XKR9: variants seen among roughly 807,000 people sequenced by gnomAD.
The protein encoded by XKR9 is XK related 9, also known as XK-related protein 9.
A neutral mutation model predicts 32.0 loss-of-function variants in XKR9; 32 were observed. The observed-to-expected ratio is 1.00, with a 90% CI of 0.76 to 1.34. The LOEUF (loss-of-function observed/expected upper bound fraction) is 1.34, where lower values mean the gene tolerates loss of function less well. Among genes scored for constraint, XKR9 ranks in the 40% most tolerant of loss-of-function variants. XKR9 has a pLI of 0.00. For synonymous variants in XKR9, 168 were observed against 143.4 expected (o/e 1.17, Z -1.22); for missense variants, 546 against 429.7 (o/e 1.27, Z -2.39).
At chr8:70,906,105 G>A in the XKR9 span, among the ~76,000 whole-genome samples, 5 of 152,286 alleles carry the variant, frequency 3.3e-5, no homozygotes, top group Admixed American at 2.0e-4. Context: ...CAGTCTGTCC[G>A]TTCTCATATC....
chr8:70,756,491 C>T (rs1807228299), intron 2 of XKR9, among the ~76,000 whole-genome samples: 1 of 152,102 alleles, frequency 6.6e-6, no homozygotes, highest in African/African-American at 2.4e-5. Context: ...TATTTTGGTC[C>T]ATGAACATGA....
At chr8:70,888,251 C>A in the XKR9 span, among the ~76,000 whole-genome samples, 1 of 151,128 alleles carries the variant, frequency 6.6e-6, no homozygotes, top group Non-Finnish European at 1.5e-5. Flanking sequence ...TTTTTTTGAG[C>A]GATATCTATT....
the XKR9 span, among the ~76,000 whole-genome samples, chr8:70,874,598 A>G: frequency 6.6e-6 from 1 of 152,192 alleles, no homozygotes; most frequent in African/African-American, 2.4e-5. Flanking sequence ...TATTTGACTA[A>G]TTCTTTAGGA....
At chr8:70,912,413 A>T in the XKR9 span, among the ~76,000 whole-genome samples, 2 of 152,126 alleles carry the variant, frequency 1.3e-5, no homozygotes, top group Non-Finnish European at 2.9e-5. Flanking sequence ...CAGAATCTAG[A>T]CACAATAGGA....
the XKR9 span, among the ~76,000 whole-genome samples, chr8:70,866,698 C>T: frequency 6.6e-6 from 1 of 151,394 alleles, no homozygotes; most frequent in Non-Finnish European, 1.5e-5. Flanking sequence ...GTTGGCCAGG[C>T]TGGTCTCAAA....
At chr8:70,821,809 C>T in the XKR9 span, among the ~76,000 whole-genome samples, 4 of 152,286 alleles carry the variant, frequency 2.6e-5, no homozygotes, top group African/African-American at 7.2e-5. Flanking sequence ...GCCCTGGGCC[C>T]GGCCCATGAA....
the XKR9 span, among the ~76,000 whole-genome samples, chr8:70,927,316 C>T: frequency 6.6e-6 from 1 of 152,066 alleles, no homozygotes; most frequent in African/African-American, 2.4e-5. Context: ...TGGGGATCGT[C>T]TTTGGATGCC....
At chr8:71,019,475 C>T in the XKR9 span, among the ~76,000 whole-genome samples, 3 of 152,166 alleles carry the variant, frequency 2.0e-5, no homozygotes, top group Non-Finnish European at 4.4e-5. Context: ...TTGTGGCTGA[C>T]GGAGGCTCAC....
At chr8:71,029,063 T>A in the XKR9 span, among the ~76,000 whole-genome samples, 390 of 152,318 alleles carry the variant, frequency 2.6e-3, 5 homozygotes, top group African/African-American at 8.9e-3. Context: ...TGTCTTCCTG[T>A]TGGTCTGCAG....
chr8:70,950,787 C>T, the XKR9 span, among the ~76,000 whole-genome samples: 1 of 152,152 alleles, frequency 6.6e-6, no homozygotes, highest in Non-Finnish European at 1.5e-5. Flanking sequence ...GATTCTGCTG[C>T]CTCAGCCTCC....
chr8:70,719,284 G>T (rs1383250605), intron 4 of XKR9, among the ~76,000 whole-genome samples: 4 of 152,084 alleles, frequency 2.6e-5, no homozygotes, highest in South Asian at 4.1e-4. Flanking sequence ...AGTTTCTTTT[G>T]CTGTGCAGAG....
At chr8:70,889,435 A>G in the XKR9 span, among the ~76,000 whole-genome samples, 1 of 151,634 alleles carries the variant, frequency 6.6e-6, no homozygotes, top group African/African-American at 2.4e-5. Flanking sequence ...TTCAGGGGGT[A>G]CATGTGTAGG....
At chr8:70,875,239 G>A in the XKR9 span, among the ~76,000 whole-genome samples, 1 of 152,100 alleles carries the variant, frequency 6.6e-6, no homozygotes, top group Admixed American at 6.5e-5. Flanking sequence ...CTACAAGATC[G>A]TGGTTTATAA....
At chr8:70,860,555 A>G in the XKR9 span, among the ~76,000 whole-genome samples, 370 of 152,240 alleles carry the variant, frequency 2.4e-3, no homozygotes, top group African/African-American at 8.7e-3. Flanking sequence ...CATTTTTTAT[A>G]TAAATTATTG....
the XKR9 span, among the ~76,000 whole-genome samples, chr8:70,799,963 G>C: frequency 2.6e-5 from 4 of 152,160 alleles, no homozygotes; most frequent in African/African-American, 9.7e-5. Context: ...AATGTTTCCA[G>C]CTTTTCCCAT....
the XKR9 span, among the ~76,000 whole-genome samples, chr8:70,984,167 C>G: frequency 6.6e-5 from 10 of 152,116 alleles, no homozygotes; most frequent in Non-Finnish European, 1.2e-4. Flanking sequence ...TGATTGGTAC[C>G]TAGAGAAATG....
the XKR9 span, among the ~76,000 whole-genome samples, chr8:70,903,296 T>A: frequency 2.0e-5 from 3 of 152,178 alleles, no homozygotes; most frequent in Non-Finnish European, 4.4e-5. Context: ...GGTAGGCTAC[T>A]AATTATTGCC....
At chr8:71,019,556 T>G in the XKR9 span, among the ~76,000 whole-genome samples, 1 of 152,234 alleles carries the variant, frequency 6.6e-6, no homozygotes, top group Non-Finnish European at 1.5e-5. Flanking sequence ...TTCACTTTCC[T>G]TTAGAGTCTT....
At chr8:70,692,188 G>C (rs940165929) in intron 3 of XKR9, among the ~76,000 whole-genome samples, 1 of 152,014 alleles carries the variant, frequency 6.6e-6, no homozygotes, top group South Asian at 2.1e-4. Flanking sequence ...ACTGTGAATG[G>C]TATTGCCTTT....
Sources: allele counts gnomAD v4.1 joint callset (sites outside exome capture counted in the v4.1 genomes callset), GRCh38; gene constraint gnomAD v4.1.1; transcripts MANE v1.5; gene names NCBI Gene and HGNC (gene_info 2026-07-23, HGNC 2026-07-21).